The following KSR2 variants were observed in gnomAD, a reference collection of about 807,000 sequenced individuals.
KSR2 encodes kinase suppressor of ras 2.
KSR2 carries 25 observed loss-of-function variants against 107.8 expected under a neutral mutation model. The observed-to-expected ratio is 0.23, with a 90% CI of 0.17 to 0.32. The LOEUF is 0.32. Ranked by LOEUF, KSR2 falls within the 10% of genes least tolerant of loss-of-function variation. KSR2 has a pLI of 1.00. For synonymous variants in KSR2, 480 were observed against 507.0 expected, an observed-to-expected ratio of 0.95 and a Z score of 0.71; for missense variants, 887 against 1,268.9, an observed-to-expected ratio of 0.70 and a Z score of 4.57.
chr12:117,762,631 G>A (rs1428615350), intron 3 of KSR2, among the ~76,000 whole-genome samples: 1 of 152,156 alleles, frequency 6.6e-6, no homozygotes, highest in African/African-American at 2.4e-5. Flanking sequence ...TTGGGAGGCC[G>A]AGATGGGCAG....
rs376929340 is a variant in KSR2 at position 117,467,184 on chromosome 12, C to G, written c.*15G>C. On this transcript the variant is annotated 3_prime_UTR_variant, in exon 20 of 20. Coordinates refer to ENST00000339824, the MANE Select transcript of KSR2 (RefSeq NM_173598.6). The stretch of plus-strand genomic sequence containing the variant: ...GGGAGCCCAGGCAGCTGGGCGCCGT[C>G]CCGATGTCCAAAGGTCACAGCCTGG... 1.2e-5 allele frequency: 9 copies of G among 720,724 alleles called. No individual in the cohort carries two copies. In the African/African-American group the frequency reaches 1.6e-4, roughly 13 times the overall value. The allele number at this position is 720,724 out of a possible 1,614,324, so 44.6% of individuals were successfully genotyped here.
rs1162302505 is a variant in KSR2, at chr12:117,464,736, A to C, written c.*2463T>G. The C allele has an allele frequency of 1.3e-5, 2 of 152,280 alleles. No individual in the cohort carries two copies. The highest frequency in any genetic ancestry group is 1.5e-5 in the Non-Finnish European group (1 of 68,116). The allele number at this position is 152,280 out of a possible 1,614,324, so 9.4% of individuals were successfully genotyped here. A position where few individuals can be genotyped will look rare whatever the true frequency, so the allele number is the denominator to read the frequency against. ...AATGCAGGTGGGGACAGAGTAGTGAAGTGGGGAAAGATCGAGAAGTCAAGA... is the reference window on the plus strand; with the variant it reads ...AATGCAGGTGGGGACAGAGTAGTGACGTGGGGAAAGATCGAGAAGTCAAGA... On this transcript the variant is annotated 3_prime_UTR_variant, in exon 20 of 20. Transcript: ENST00000339824.
chr12:117,476,589 C>T lies in KSR2; in HGVS notation c.2457G>A (p.Glu819=), dbSNP rs1489478987. The stretch of plus-strand genomic sequence containing the variant: ...AGCCATTCTGGATGCGCAGTTTGTC[C>T]TCCCGCCTGGAGAAGCAAAGCACAG... ...ISGVLQAGRR[E]DKLRIQNGWL... The change falls in exon 17 of 20, where the codon GAG becomes GAA. Residue 819 remains glutamate (E), a synonymous_variant. Transcript: ENST00000339824. The T allele has an allele frequency of 3.1e-6, 5 of 1,610,278 alleles. No homozygotes were observed. The highest frequency in any genetic ancestry group is 1.7e-5 in the Admixed American group (1 of 59,626).
intron 14 of KSR2, among the ~76,000 whole-genome samples, chr12:117,511,307 A>G (rs1165375367): frequency 1.3e-5 from 2 of 152,268 alleles, no homozygotes; most frequent in East Asian, 3.8e-4. Flanking sequence ...TCTATATGGC[A>G]GAAAATTCTT....
intron 4 of KSR2, among the ~76,000 whole-genome samples, chr12:117,690,834 C>T (rs1268014057): frequency 6.6e-6 from 1 of 152,212 alleles, no homozygotes; most frequent in Non-Finnish European, 1.5e-5. Context: ...CACTGTGGTA[C>T]TTCAGTGGCT....
chr12:117,735,511 C>CT (rs1307460341), intron 4 of KSR2, among the ~76,000 whole-genome samples: 3 of 152,130 alleles, frequency 2.0e-5, no homozygotes, highest in African/African-American at 7.2e-5. Flanking sequence ...ACAAGACTGG[C>CT]TTTTTTGTTC....
chr12:117,740,570 ACATAT>A (rs1337004796), intron 4 of KSR2, among the ~76,000 whole-genome samples: 1 of 122,990 alleles, frequency 8.1e-6, no homozygotes, highest in African/African-American at 3.1e-5. Context: ...TGAATATATA[ACATAT>A]ATTATATATG....
At chr12:117,706,575 T>A (rs892568692) in intron 4 of KSR2, among the ~76,000 whole-genome samples, 1 of 152,016 alleles carries the variant, frequency 6.6e-6, no homozygotes, top group African/African-American at 2.4e-5. Context: ...AGCCGATCAG[T>A]GGTTGCCTGG....
rs143338670 is a variant in KSR2 at position 117,599,539 on chromosome 12, A to C, written c.1172-17180T>G. Among the ~76,000 whole-genome samples the C allele has an allele frequency of 9.9e-5, 15 of 152,284 alleles. No homozygotes were observed. The East Asian group carries it at 2.7e-3, about 27-fold the overall frequency. ...ATTTCCCAACCTCAGCACTGTTGAC[A>C]TTTGGGGCTACTCCATTCTCTCTGG... On this transcript the variant is annotated intron_variant, in intron 5 of 19. Transcript: ENST00000339824.
chr12:117,948,953 G>A (rs1440866793), intron 1 of KSR2, among the ~76,000 whole-genome samples: 1 of 152,078 alleles, frequency 6.6e-6, no homozygotes, highest in Non-Finnish European at 1.5e-5. Flanking sequence ...AATTAGCCGG[G>A]CATGGTGGCG....
At chr12:117,687,037 G>C (rs550513731) in intron 4 of KSR2, among the ~76,000 whole-genome samples, 1 of 152,254 alleles carries the variant, frequency 6.6e-6, no homozygotes, top group African/African-American at 2.4e-5. Context: ...TTCCTCGCTT[G>C]TAAAATGAGG....
intron 4 of KSR2, among the ~76,000 whole-genome samples, chr12:117,702,320 T>C (rs943749478): frequency 6.6e-6 from 1 of 152,156 alleles, no homozygotes; most frequent in African/African-American, 2.4e-5. Flanking sequence ...TCTTATCAGA[T>C]CTGTTCCACG....
At chr12:117,625,672 G>C (rs878985004) in intron 5 of KSR2, among the ~76,000 whole-genome samples, 2 of 151,980 alleles carry the variant, frequency 1.3e-5, no homozygotes, top group Admixed American at 6.6e-5. Context: ...TTCTTTTTTT[G>C]TTGTGTCTCT....
intron 8 of KSR2, among the ~76,000 whole-genome samples, chr12:117,558,250 G>C (rs1877843972): frequency 6.6e-6 from 1 of 152,212 alleles, no homozygotes; most frequent in Admixed American, 6.5e-5. Flanking sequence ...TGAGAGAGCA[G>C]GGGTTAAGTG....
intron 10 of KSR2, among the ~76,000 whole-genome samples, chr12:117,532,330 T>TAAC (rs1875705189): frequency 6.6e-6 from 1 of 152,178 alleles, no homozygotes; most frequent in Non-Finnish European, 1.5e-5. Flanking sequence ...CTGCCTGCAT[T>TAAC]TGTTGGCTCA....
chr12:117,784,206 T>C (rs1213209606), intron 3 of KSR2, among the ~76,000 whole-genome samples: 2 of 152,264 alleles, frequency 1.3e-5, no homozygotes, highest in African/African-American at 4.8e-5. Context: ...TCATAATCCC[T>C]ACATGTCAAG....
At chr12:117,668,027 A>G (rs1884741024) in intron 4 of KSR2, among the ~76,000 whole-genome samples, 1 of 152,150 alleles carries the variant, frequency 6.6e-6, no homozygotes, top group Non-Finnish European at 1.5e-5. Flanking sequence ...CCCGTGGCCA[A>G]GCTGCTCTTT....
chr12:117,519,506 T>C (rs1210875995), intron 14 of KSR2, among the ~76,000 whole-genome samples: 3 of 152,012 alleles, frequency 2.0e-5, no homozygotes, highest in Middle Eastern at 3.2e-3. Context: ...AACCACATGA[T>C]ACGAAGCACA....
intron 10 of KSR2, among the ~76,000 whole-genome samples, chr12:117,532,716 A>G (rs1455235463): frequency 1.3e-5 from 2 of 152,186 alleles, no homozygotes; most frequent in African/African-American, 2.4e-5. Context: ...GGTCTCGGAC[A>G]CTTAAAGGTT....
Sources: allele counts gnomAD v4.1 joint callset (sites outside exome capture counted in the v4.1 genomes callset), GRCh38; gene constraint gnomAD v4.1.1; transcripts MANE v1.5; gene names NCBI Gene and HGNC (gene_info 2026-07-23, HGNC 2026-07-21).